TRPM3: variants seen among roughly 807,000 people sequenced by gnomAD.
TRPM3 encodes the protein long transient receptor potential channel 3.
Under a neutral mutation model 181.2 loss-of-function variants are expected in TRPM3, and 77 were observed. The ratio of observed to expected loss-of-function variants is 0.42; its 90% CI spans 0.35 to 0.51. TRPM3 has a LOEUF of 0.51. Ranked by LOEUF, TRPM3 falls within the 20% of genes least tolerant of loss-of-function variation. TRPM3 has a pLI of 0.01. For synonymous variants in TRPM3, 745 were observed against 796.4 expected, an observed-to-expected ratio of 0.94 and a Z score of 1.09; for missense variants, 1,759 against 2,196.7, an observed-to-expected ratio of 0.80 and a Z score of 3.98.
At chr9:71,068,645 C>T (rs1167186254) in intron 1 of TRPM3, among the ~76,000 whole-genome samples, 1 of 152,170 alleles carries the variant, frequency 6.6e-6, no homozygotes, top group Non-Finnish European at 1.5e-5. Context: ...GTGTTACATG[C>T]TATGTGAGTG....
chr9:70,537,378 C>T lies in TRPM3; in HGVS notation c.3735G>A (p.Glu1245=). Residue 1245 remains glutamate (E), a synonymous_variant, in exon 26 of 26, where the codon GAG becomes GAA. Transcript: ENST00000677713. ...ERVENMSMRL[E]EVNEREHSMK... ...TGGAGTGCTCTCTCTCGTTGACTTC[C>T]TCCAGCCGCATAGACATGTTCTCCA... The T allele has an allele frequency of 1.3e-6, 2 of 1,487,836 alleles. No homozygotes were observed. The highest frequency in any genetic ancestry group is 1.8e-6 in the Non-Finnish European group (2 of 1,118,424). 92.2% of individuals were successfully genotyped at this position (1,487,836 alleles called of 1,614,324 possible). A position where few individuals can be genotyped will look rare whatever the true frequency, so the allele number is the denominator to read the frequency against.
chr9:71,122,576 A>G (rs537871407), upstream of TRPM3, among the ~76,000 whole-genome samples: 7 of 152,292 alleles, frequency 4.6e-5, no homozygotes, highest in East Asian at 1.4e-3. Context: ...TAACTTGAAG[A>G]GATTGGTAAA....
intron 1 of TRPM3, among the ~76,000 whole-genome samples, chr9:70,911,263 G>T (rs945652647): frequency 6.6e-6 from 1 of 152,124 alleles, no homozygotes; most frequent in African/African-American, 2.4e-5. Context: ...ATTACTATTG[G>T]TGTTCCCCAC....
At chr9:70,867,293 C>A (rs117078341) in intron 1 of TRPM3, among the ~76,000 whole-genome samples, 1 of 152,154 alleles carries the variant, frequency 6.6e-6, no homozygotes, top group East Asian at 1.9e-4. Context: ...GCTGCAAAGA[C>A]AAATGGATGA....
At chr9:71,189,398 T>C (rs1282783192) in intron 1 of TRPM3, among the ~76,000 whole-genome samples, 1 of 151,920 alleles carries the variant, frequency 6.6e-6, no homozygotes, top group Non-Finnish European at 1.5e-5. Context: ...ATTACCTATA[T>C]GTTACAATAC....
Position 70,536,299 on chromosome 9 carries a change from G to A in TRPM3, c.4814C>T (p.Pro1605Leu). Residue 1605 changes from proline (P) to leucine (L), a missense_variant, in exon 26 of 26, where the codon CCC (proline) becomes CTC (leucine). Transcript: ENST00000677713. ...CTCATTCTCCTCACTGTCAGAGCTG[G>A]GGTGACTCAGTTCTGCTTCTCGCTC... ...HPEREAELSHPSSDSEENEAK... is the reference protein window; with the variant it reads ...HPEREAELSHLSSDSEENEAK... 1 of 1,614,152 alleles carries A rather than the reference G, an allele frequency of 6.2e-7. No homozygotes were observed. The highest frequency in any genetic ancestry group is 8.5e-7 in the Non-Finnish European group (1 of 1,180,034).
intron 1 of TRPM3, among the ~76,000 whole-genome samples, chr9:70,990,485 T>C (rs1023243305): frequency 2.0e-5 from 3 of 152,168 alleles, no homozygotes; most frequent in African/African-American, 7.2e-5. Context: ...AGTTATGAGA[T>C]AAAAAGGTCT....
At position 70,552,903 on chromosome 9, in the gene TRPM3, T is replaced by C; in HGVS notation, c.3515A>G (p.His1172Arg). The C allele has an allele frequency of 6.2e-7, 1 of 1,614,214 alleles. No individual in the cohort carries two copies. Among genetic ancestry groups the C allele is most frequent in the Non-Finnish European group, 8.5e-7 (1 of 1,180,026 alleles). The change falls in exon 24 of 26, where the codon CAC becomes CGC. Residue 1172 changes from histidine to arginine, a missense_variant. His to Arg is a conservative substitution (Grantham distance 29). Around this residue, in one of 8 missense-constraint regions of TRPM3, gnomAD observed 96 missense variants for 129.6 expected, o/e 0.74. Coordinates refer to ENST00000677713, the MANE Select transcript of TRPM3 (RefSeq NM_001366145.2). ...GTGTTTCCTCCATCGGCAGCACAGG[T>C]GCTGGAATATCATGGTCATGTGGCT... ...IFSHMTMIFQ[H>R]LCCRWRKHES...
Position 71,440,095 on chromosome 9 carries a change from C to A in TRPM3, c.183+6558G>T, listed in dbSNP as rs2871378. On this transcript the variant is annotated intron_variant, in intron 1 of 24. Transcript: ENST00000357533. ...CCGAGATTGAGCCACTGCACTCCAG[C>A]CTGGGTGACACAATGAGACTCCATC... Among the ~76,000 whole-genome samples, 782 of 152,082 alleles carry A rather than the reference C, an allele frequency of 5.1e-3. 11 individuals carry two copies. The highest frequency in any genetic ancestry group is 0.018 in the African/African-American group (750 of 41,480).
chr9:71,156,764 G>GA (rs1183314937), intron 1 of TRPM3, among the ~76,000 whole-genome samples: 3 of 151,334 alleles, frequency 2.0e-5, no homozygotes, highest in Non-Finnish European at 4.4e-5. Context: ...TACATAACAG[G>GA]AAAAATATTA....
intron 1 of TRPM3, among the ~76,000 whole-genome samples, chr9:71,266,061 A>T (rs1412520246): frequency 6.6e-6 from 1 of 152,218 alleles, no homozygotes; most frequent in Non-Finnish European, 1.5e-5. Context: ...GAGCAGCTGA[A>T]GTCTGCCAGA....
At chr9:71,359,353 A>G (rs2092045184) in intron 1 of TRPM3, among the ~76,000 whole-genome samples, 1 of 152,252 alleles carries the variant, frequency 6.6e-6, no homozygotes, top group South Asian at 2.1e-4. Flanking sequence ...ATGACCAAGT[A>G]TGGCTGCATC....
intron 1 of TRPM3, among the ~76,000 whole-genome samples, chr9:71,216,921 T>C (rs2079903737): frequency 6.8e-6 from 1 of 147,422 alleles, no homozygotes; most frequent in Non-Finnish European, 1.5e-5. Context: ...TGCACAAGCA[T>C]AGTCAGTGGC....
At chr9:70,649,390 T>C (rs1434593086) in intron 9 of TRPM3, among the ~76,000 whole-genome samples, 3 of 152,144 alleles carry the variant, frequency 2.0e-5, no homozygotes, top group Non-Finnish European at 4.4e-5. Flanking sequence ...TGTTTTGCCA[T>C]GTTGGCCGAG....
At chr9:70,846,310 CAGA>C (rs1459847662) in intron 4 of TRPM3, 65 bp downstream of exon 4, 2 of 1,449,692 alleles carry the variant, frequency 1.4e-6, no homozygotes, top group African/African-American at 2.8e-5. Context: ...TTAATCTTAG[CAGA>C]AAATTACATC....
intron 1 of TRPM3, among the ~76,000 whole-genome samples, chr9:71,385,798 G>A (rs376731467): frequency 6.6e-4 from 100 of 152,098 alleles, no homozygotes; most frequent in Non-Finnish European, 1.3e-3. Context: ...TCCGCCTCCC[G>A]GGTTCAAGGG....
At chr9:71,364,029 T>G (rs2092250661) in intron 1 of TRPM3, among the ~76,000 whole-genome samples, 1 of 152,140 alleles carries the variant, frequency 6.6e-6, no homozygotes, top group Non-Finnish European at 1.5e-5. Flanking sequence ...AGCTATTTAT[T>G]AATGCCAACC....
At chr9:70,669,035 A>T (rs970808932) in intron 9 of TRPM3, among the ~76,000 whole-genome samples, 1 of 152,216 alleles carries the variant, frequency 6.6e-6, no homozygotes, top group African/African-American at 2.4e-5. Flanking sequence ...ATCACTAAAC[A>T]CAATGAGCTC....
chr9:70,938,543 T>G (rs2133513007), intron 1 of TRPM3, among the ~76,000 whole-genome samples: 1 of 152,322 alleles, frequency 6.6e-6, no homozygotes, highest in East Asian at 1.9e-4. Flanking sequence ...CCAACATTCT[T>G]TAAATGGTGA....
Sources: gnomAD v4.1 joint callset for allele counts (sites outside exome capture counted in the v4.1 genomes callset) on GRCh38, gnomAD v4.1.1 for gene constraint, gnomAD v4.1.1 regional missense constraint, MANE v1.5 for transcripts, NCBI Gene and HGNC (gene_info 2026-07-23, HGNC 2026-07-21) for gene names.